The following KCNK9 variants were observed in gnomAD, a reference collection of about 807,000 sequenced individuals.
KCNK9 encodes the protein potassium channel subfamily K member 9.
In KCNK9, 1 loss-of-function variant was observed where a neutral mutation model predicts 10.8. The ratio of observed to expected loss-of-function variants is 0.09; its 90% CI spans 0.03 to 0.44. The LOEUF is 0.44. Among genes scored for constraint, KCNK9 ranks in the 20% least tolerant of loss-of-function variants. The pLI, the probability that KCNK9 is intolerant of heterozygous loss-of-function variation, is 0.97. For missense variants in KCNK9, 303 were observed against 515.0 expected (o/e 0.59, Z 3.98); for synonymous variants, 231 against 222.7 (o/e 1.04, Z -0.33).
At position 139,618,977 on chromosome 8, in the gene KCNK9, C is replaced by T. The variant is rs751012938; in HGVS notation, c.406G>A (p.Val136Met). 5.0e-6 allele frequency: 8 copies of T among 1,614,186 alleles called. No individual in the cohort carries two copies. Among genetic ancestry groups the T allele is most frequent in the South Asian group, 4.4e-5 (4 of 91,076 alleles). The change falls in exon 2 of 2, where the codon GTG becomes ATG. Residue 136 changes from valine to methionine, a missense_variant. Physicochemically the swap from Val to Met is conservative, Grantham distance 21. Coordinates refer to ENST00000520439, the MANE Select transcript of KCNK9 (RefSeq NM_001282534.2). The surrounding 1 kb of genome is among the most constrained non-coding windows in gnomAD (Gnocchi z 7.9). Reference protein sequence around the residue: ...QSLGERMNTFVRYLLKRIKKC... With the variant: ...QSLGERMNTFMRYLLKRIKKC... ...TTAATGCGCTTCAGCAGGTAGCGCACGAAGGTGTTCATGCGCTCGCCCAGG... is the reference window on the plus strand; with the variant it reads ...TTAATGCGCTTCAGCAGGTAGCGCATGAAGGTGTTCATGCGCTCGCCCAGG...
downstream of KCNK9, among the ~76,000 whole-genome samples, chr8:139,608,607 T>C (rs1457903603): frequency 7.0e-6 from 1 of 142,688 alleles, no homozygotes; most frequent in Admixed American, 6.9e-5. Context: ...GTGCAGGGGC[T>C]ACTGCAGGCT....
At chr8:139,636,011 G>C (rs76032063) in intron 1 of KCNK9, among the ~76,000 whole-genome samples, 1,858 of 152,302 alleles carry the variant, frequency 0.012, 37 homozygotes, top group African/African-American at 0.043. Context: ...GAATCCGTTA[G>C]ACCCCCGTTT....
chr8:139,636,017 C>T (rs765630693), intron 1 of KCNK9, among the ~76,000 whole-genome samples: 34 of 152,196 alleles, frequency 2.2e-4, no homozygotes, highest in African/African-American at 4.8e-4. Flanking sequence ...GTTAGACCCC[C>T]GTTTATGTTT....
At chr8:139,612,800 G>T (rs981731822), downstream of KCNK9, 3 of 151,692 alleles carry the variant, frequency 2.0e-5, no homozygotes, top group African/African-American at 7.3e-5. Flanking sequence ...ACGCTGTTGG[G>T]TTTTTTTTGC....
chr8:139,626,355 T>C (rs1278847150), intron 1 of KCNK9, among the ~76,000 whole-genome samples: 2 of 152,158 alleles, frequency 1.3e-5, no homozygotes, highest in East Asian at 3.9e-4. Context: ...TCTGCAGCAT[T>C]ACTACCCCCA....
intron 1 of KCNK9, among the ~76,000 whole-genome samples, chr8:139,662,476 G>A (rs1816180315): frequency 6.6e-6 from 1 of 152,092 alleles, no homozygotes; most frequent in Non-Finnish European, 1.5e-5. Flanking sequence ...TCATAAGACA[G>A]GGACATGCAA....
Position 139,618,602 on chromosome 8 carries a change from T to A in KCNK9, c.781A>T (p.Arg261Trp). 2 of 1,613,924 alleles carry A rather than the reference T, an allele frequency of 1.2e-6. No homozygotes were observed. Among genetic ancestry groups the A allele is most frequent in the Non-Finnish European group, 1.7e-6 (2 of 1,179,906 alleles). ...SEDERRDAEE[R>W]ASLAGNRNSM... ...TTGCGGTTTCCGGCGAGGGATGCCC[T>A]CTCTTCAGCATCCCGCCGCTCATCC... Residue 261 changes from arginine to tryptophan, a missense_variant, in exon 2 of 2, where the codon AGG (arginine) becomes TGG (tryptophan). Around this residue, in one of 5 missense-constraint regions of KCNK9, gnomAD observed 138 missense variants for 161.1 expected, o/e 0.86. Transcript: ENST00000520439. The surrounding 1 kb of genome is among the most constrained non-coding windows in gnomAD (Gnocchi z 7.9).
At chr8:139,639,419 A>G (rs893003702) in intron 1 of KCNK9, among the ~76,000 whole-genome samples, 14 of 152,140 alleles carry the variant, frequency 9.2e-5, no homozygotes, top group Non-Finnish European at 2.1e-4. Flanking sequence ...TCTGGCGGGG[A>G]GTAGTGACCA....
intron 1 of KCNK9, among the ~76,000 whole-genome samples, chr8:139,698,986 G>T (rs1455824260): frequency 6.6e-6 from 1 of 152,176 alleles, no homozygotes; most frequent in African/African-American, 2.4e-5. Flanking sequence ...CCTAGCTTCA[G>T]CTGGGCCCCG....
chr8:139,669,179 A>G (rs1816370993), intron 1 of KCNK9, among the ~76,000 whole-genome samples: 1 of 152,172 alleles, frequency 6.6e-6, no homozygotes, highest in Admixed American at 6.5e-5. Flanking sequence ...TTGCTGGTGA[A>G]AAGTCTTGTC....
rs1190834037 is a variant in KCNK9 at position 139,693,436 on chromosome 8, C to A, written c.283+9274G>T. ...CCTACCCAGTGGTCCCAAGGCACAA[C>A]CAAGCAGAAAGATGTCACCCCAAAC... On this transcript the variant is annotated intron_variant, in intron 1 of 1. Transcript: ENST00000520439. This position sits in a 1 kb window ranked among gnomAD's most constrained non-coding sequence, Gnocchi z 4.1. 6.6e-6 allele frequency among the ~76,000 whole-genome samples: 1 copy of A among 151,988 alleles called. No individual in the cohort carries two copies. The highest frequency in any genetic ancestry group is 2.4e-5 in the African/African-American group (1 of 41,372).
At chr8:139,613,881 GC>G (rs1814503182), downstream of KCNK9, among the ~76,000 whole-genome samples, 1 of 152,218 alleles carries the variant, frequency 6.6e-6, no homozygotes, top group Non-Finnish European at 1.5e-5. Flanking sequence ...CCAGAACAAA[GC>G]CACAGTTTGC....
At chr8:139,670,871 T>C (rs1816411101) in intron 1 of KCNK9, among the ~76,000 whole-genome samples, 1 of 152,180 alleles carries the variant, frequency 6.6e-6, no homozygotes, top group African/African-American at 2.4e-5. Flanking sequence ...CCCAGCAGCA[T>C]CTTCTGCAGC....
At chr8:139,681,480 G>A (rs920135842) in intron 1 of KCNK9, among the ~76,000 whole-genome samples, 2 of 152,232 alleles carry the variant, frequency 1.3e-5, no homozygotes, top group South Asian at 4.1e-4. Context: ...GAGAAGCTGG[G>A]AGAGCAGGGC....
rs1816983344 is a variant in KCNK9, at chr8:139,693,663, G to A, written c.283+9047C>T. On this transcript the variant is annotated intron_variant, in intron 1 of 1. Coordinates refer to ENST00000520439, the MANE Select transcript of KCNK9 (RefSeq NM_001282534.2). The surrounding 1 kb of genome is among the most constrained non-coding windows in gnomAD (Gnocchi z 4.1). ...GCAAAGAAACAAGTCCTTTGCTCAA[G>A]AGGATAAAGGACAATTGGGGAAAAG... Among the ~76,000 whole-genome samples, 1 of 152,174 alleles carries A rather than the reference G, an allele frequency of 6.6e-6. No homozygotes were observed. Among genetic ancestry groups the A allele is most frequent in the East Asian group, 1.9e-4 (1 of 5,182 alleles).
intron 1 of KCNK9, among the ~76,000 whole-genome samples, chr8:139,642,911 C>A (rs1041818371): frequency 2.6e-5 from 4 of 152,294 alleles, no homozygotes; most frequent in Non-Finnish European, 5.9e-5. Flanking sequence ...GTTGGCAGAA[C>A]AAGATTGGGG....
At chr8:139,646,892 G>A (rs1815702464) in intron 1 of KCNK9, among the ~76,000 whole-genome samples, 1 of 152,214 alleles carries the variant, frequency 6.6e-6, no homozygotes, top group Admixed American at 6.5e-5. Context: ...CTCCCCAAAA[G>A]GAATGACTGT....
intron 1 of KCNK9, among the ~76,000 whole-genome samples, chr8:139,633,833 AGAC>A (rs1396494629): frequency 6.6e-6 from 1 of 152,206 alleles, no homozygotes; most frequent in Non-Finnish European, 1.5e-5. Flanking sequence ...GCGAGCGTGA[AGAC>A]GACGACACAC....
At chr8:139,690,930 T>G (rs1816922441) in intron 1 of KCNK9, among the ~76,000 whole-genome samples, 1 of 152,210 alleles carries the variant, frequency 6.6e-6, no homozygotes, top group African/African-American at 2.4e-5. Context: ...TTATCCATAG[T>G]GACATCATTC....
Sources: allele counts gnomAD v4.1 joint callset (sites outside exome capture counted in the v4.1 genomes callset), GRCh38; gene constraint gnomAD v4.1.1; regional missense constraint gnomAD v4.1.1; non-coding constraint Gnocchi (gnomAD v3.1); transcripts MANE v1.5; gene names NCBI Gene and HGNC (gene_info 2026-07-23, HGNC 2026-07-21).